EPHA6: variants seen among roughly 807,000 people sequenced by gnomAD.
EPHA6 encodes the protein EPH receptor A6.
EPHA6 carries 50 observed loss-of-function variants against 112.0 expected under a neutral mutation model. That is an observed-to-expected ratio of 0.45 (90% confidence interval 0.36 to 0.56). The LOEUF is 0.56. EPHA6 is among the 20% of genes least tolerant of loss of function. The pLI, the probability that EPHA6 is intolerant of heterozygous loss-of-function variation, is 0.00. For missense variants in EPHA6, 1,280 were observed against 1,417.4 expected, an observed-to-expected ratio of 0.90 and a Z score of 1.56; for synonymous variants, 529 against 490.7, an observed-to-expected ratio of 1.08 and a Z score of -1.03.
intron 3 of EPHA6, among the ~76,000 whole-genome samples, chr3:97,217,784 G>T (rs530313181): frequency 2.0e-5 from 3 of 152,264 alleles, no homozygotes; most frequent in African/African-American, 7.2e-5. Flanking sequence ...AATTTCTGTA[G>T]CAGTGGAAGG....
intron 11 of EPHA6, among the ~76,000 whole-genome samples, chr3:97,568,436 T>C (rs1033172324): frequency 3.9e-5 from 6 of 152,170 alleles, no homozygotes; most frequent in African/African-American, 1.4e-4. Flanking sequence ...CCAAGTTCTT[T>C]GGCAGAATAT....
chr3:97,260,385 C>T (rs1038383047), intron 5 of EPHA6, among the ~76,000 whole-genome samples: 1 of 152,138 alleles, frequency 6.6e-6, no homozygotes, highest in African/African-American at 2.4e-5. Context: ...AGATTTACAC[C>T]ACAGTCAGAC....
intron 1 of EPHA6, among the ~76,000 whole-genome samples, chr3:96,861,230 C>A (rs1205908103): frequency 6.6e-6 from 1 of 152,022 alleles, no homozygotes; most frequent in African/African-American, 2.4e-5. Context: ...ATATTTTAAT[C>A]AACTATTAAC....
chr3:97,123,504 C>A (rs1455126086), intron 3 of EPHA6, among the ~76,000 whole-genome samples: 1 of 151,928 alleles, frequency 6.6e-6, no homozygotes, highest in Non-Finnish European at 1.5e-5. Flanking sequence ...AAATTAGGAG[C>A]ATAGAAACTT....
rs563927948 is a variant in EPHA6, at chr3:97,532,385, G to A, written c.2228G>A (p.Arg743His). The change falls in exon 11 of 18, where the codon CGT (arginine) becomes CAT (histidine). Residue 743 changes from arginine (R) to histidine (H), a missense_variant. Coordinates refer to ENST00000389672, the MANE Select transcript of EPHA6 (RefSeq NM_001080448.3). ...GAATTTGGAGAAGTCTGTAGTGGGC[G>A]TTTGAAGACACCAGGGAAAAGAGAG... Reference protein sequence around the residue: ...AGEFGEVCSGRLKTPGKREIP... With the variant: ...AGEFGEVCSGHLKTPGKREIP... 8.1e-6 allele frequency: 13 copies of A among 1,611,714 alleles called. No individual in the cohort carries two copies. Among genetic ancestry groups the A allele is most frequent in the East Asian group, 6.7e-5 (3 of 44,824 alleles).
chr3:97,538,979 CTCTCTT>C (rs1280284894), intron 11 of EPHA6, among the ~76,000 whole-genome samples: 4 of 148,792 alleles, frequency 2.7e-5, no homozygotes, highest in African/African-American at 1.0e-4. Flanking sequence ...GACACTTTCT[CTCTCTT>C]TCTTTCTTTC....
chr3:97,064,226 C>A (rs2046110927), intron 3 of EPHA6, among the ~76,000 whole-genome samples: 1 of 152,112 alleles, frequency 6.6e-6, no homozygotes, highest in South Asian at 2.1e-4. Context: ...CATATAGAAT[C>A]CTCAATTTAT....
intron 5 of EPHA6, among the ~76,000 whole-genome samples, chr3:97,287,221 A>G (rs1164623941): frequency 2.0e-5 from 3 of 152,080 alleles, no homozygotes; most frequent in African/African-American, 7.2e-5. Flanking sequence ...TTTCCAATTT[A>G]GATGACTTTA....
At chr3:97,103,712 C>G (rs138912430) in intron 3 of EPHA6, among the ~76,000 whole-genome samples, 2 of 152,146 alleles carry the variant, frequency 1.3e-5, no homozygotes, top group Non-Finnish European at 2.9e-5. Context: ...ATAGGAATCG[C>G]ACTGAATCTG....
At chr3:97,646,355 T>C in intron 14 of EPHA6, 5 of 1,254,702 alleles carry the variant, frequency 4.0e-6, no homozygotes, top group East Asian at 2.8e-5. Context: ...ACATGTAATA[T>C]ATAAGACAGT....
At chr3:97,617,148 C>A (rs896215769) in intron 13 of EPHA6, among the ~76,000 whole-genome samples, 1 of 152,004 alleles carries the variant, frequency 6.6e-6, no homozygotes, top group African/African-American at 2.4e-5. Context: ...GAAAGAGATT[C>A]CAACCCAGAA....
At chr3:97,355,446 A>C (rs1458867209) in intron 5 of EPHA6, among the ~76,000 whole-genome samples, 1 of 152,156 alleles carries the variant, frequency 6.6e-6, no homozygotes, top group Admixed American at 6.5e-5. Context: ...AATCAGGGTT[A>C]TGTTGTCATC....
intron 3 of EPHA6, among the ~76,000 whole-genome samples, chr3:97,102,904 C>CT (rs1372163630): frequency 6.6e-6 from 1 of 151,908 alleles, no homozygotes; most frequent in Admixed American, 6.6e-5. Context: ...TATTCATTTG[C>CT]TTTTTGGCCA....
intron 2 of EPHA6, among the ~76,000 whole-genome samples, chr3:96,917,017 A>C (rs996210920): frequency 9.9e-5 from 15 of 152,236 alleles, no homozygotes; most frequent in African/African-American, 3.6e-4. Flanking sequence ...CAGCTAAAGA[A>C]TTTGCTTTCC....
intron 3 of EPHA6, among the ~76,000 whole-genome samples, chr3:97,058,999 G>A (rs1016571940): frequency 7.9e-5 from 12 of 152,092 alleles, no homozygotes; most frequent in African/African-American, 2.4e-4. Context: ...GTGGGGGGAC[G>A]CAGATTATCT....
chr3:97,331,929 C>T (rs551663559), intron 5 of EPHA6, among the ~76,000 whole-genome samples: 1 of 152,038 alleles, frequency 6.6e-6, no homozygotes, highest in Non-Finnish European at 1.5e-5. Context: ...CATCCTGATA[C>T]CAAAGCCTGG....
chr3:97,573,638 A>C (rs889408047), intron 11 of EPHA6, among the ~76,000 whole-genome samples: 1 of 151,906 alleles, frequency 6.6e-6, no homozygotes, highest in African/African-American at 2.4e-5. Context: ...ACATGTGCAC[A>C]TTGTGCAGGT....
At chr3:96,848,189 T>C (rs1358397814) in intron 1 of EPHA6, among the ~76,000 whole-genome samples, 2 of 152,092 alleles carry the variant, frequency 1.3e-5, no homozygotes, top group African/African-American at 4.8e-5. Context: ...ATTATACCAA[T>C]GTATATTAAA....
At chr3:97,389,437 G>A (rs1302068343) in intron 5 of EPHA6, among the ~76,000 whole-genome samples, 1 of 152,022 alleles carries the variant, frequency 6.6e-6, no homozygotes, top group Non-Finnish European at 1.5e-5. Context: ...GTTGGAGTTA[G>A]ATGTTGCTGA....
Sources: gnomAD v4.1 joint callset for allele counts (sites outside exome capture counted in the v4.1 genomes callset) on GRCh38, gnomAD v4.1.1 for gene constraint, MANE v1.5 for transcripts, NCBI Gene and HGNC (gene_info 2026-07-23, HGNC 2026-07-21) for gene names.